The following PTPRZ1 variants were observed in gnomAD, a reference collection of about 807,000 sequenced individuals.
PTPRZ1 encodes receptor-type tyrosine-protein phosphatase zeta.
A neutral mutation model predicts 214.1 loss-of-function variants in PTPRZ1; 82 were observed. That is an observed-to-expected ratio of 0.38 (90% CI 0.32 to 0.46). The LOEUF is 0.46. Ranked by LOEUF, PTPRZ1 falls within the 20% of genes least tolerant of loss-of-function variation. The pLI is 1.00. For missense variants in PTPRZ1, 2,603 were observed against 2,748.7 expected (o/e 0.95, Z 1.19); for synonymous variants, 945 against 987.9 (o/e 0.96, Z 0.81).
At position 122,061,272 on chromosome 7, in the gene PTPRZ1, A is replaced by T. The variant is rs774757624; in HGVS notation, c.*52A>T. The T allele has an allele frequency of 2.1e-6, 3 of 1,441,172 alleles. No individual in the cohort carries two copies. The highest frequency in any genetic ancestry group is 2.8e-6 in the Non-Finnish European group (3 of 1,073,154). 89.3% of individuals were successfully genotyped at this position (1,441,172 alleles called of 1,614,324 possible). ...TCTGAGCATTGTTTTCCTCTTCCTA[A>T]AATTAGGCAGGAAAATCAGTCTAGT... On this transcript the variant is annotated 3_prime_UTR_variant, in exon 30 of 30. Coordinates refer to ENST00000393386, the MANE Select transcript of PTPRZ1 (RefSeq NM_002851.3).
chr7:121,916,860 T>C (rs1795443312), intron 1 of PTPRZ1, among the ~76,000 whole-genome samples: 1 of 152,186 alleles, frequency 6.6e-6, no homozygotes, highest in Admixed American at 6.5e-5. Flanking sequence ...CCTTAAGGCC[T>C]CACTTTGGGG....
intron 1 of PTPRZ1, among the ~76,000 whole-genome samples, chr7:121,899,960 G>A (rs1312536016): frequency 2.6e-5 from 4 of 152,132 alleles, no homozygotes; most frequent in Non-Finnish European, 4.4e-5. Context: ...AAAGCTATTG[G>A]AATGGACACA....
At chr7:122,009,883 T>C (rs1243335478) in intron 11 of PTPRZ1, among the ~76,000 whole-genome samples, 2 of 152,188 alleles carry the variant, frequency 1.3e-5, no homozygotes, top group Non-Finnish European at 2.9e-5. Context: ...ATAGATATAA[T>C]TAAATATTCT....
At chr7:121,974,522 C>T (rs1797369519) in intron 4 of PTPRZ1, among the ~76,000 whole-genome samples, 1 of 152,154 alleles carries the variant, frequency 6.6e-6, no homozygotes, top group Non-Finnish European at 1.5e-5. Context: ...GAGTCTCGCC[C>T]TGTCGCCCAG....
chr7:121,960,099 C>T (rs1253711033), intron 2 of PTPRZ1, among the ~76,000 whole-genome samples: 1 of 152,218 alleles, frequency 6.6e-6, no homozygotes, highest in African/African-American at 2.4e-5. Flanking sequence ...GGTACAGTGG[C>T]ATGCTCTCGG....
chr7:121,940,258 A>C (rs1796202185), intron 2 of PTPRZ1, among the ~76,000 whole-genome samples: 1 of 152,202 alleles, frequency 6.6e-6, no homozygotes. Context: ...ACTAGTTAGG[A>C]AACGAAAGGA....
chr7:121,944,215 TTAC>T (rs1377686585), intron 2 of PTPRZ1, among the ~76,000 whole-genome samples: 1 of 152,172 alleles, frequency 6.6e-6, no homozygotes, highest in Non-Finnish European at 1.5e-5. Flanking sequence ...TATCTTTACC[TTAC>T]ACTACTCTTG....
At chr7:121,904,018 G>A (rs905393166) in intron 1 of PTPRZ1, among the ~76,000 whole-genome samples, 4 of 143,808 alleles carry the variant, frequency 2.8e-5, no homozygotes, top group Non-Finnish European at 4.6e-5. Context: ...GTGTTTAGAC[G>A]ATAATAAAAT....
At chr7:121,964,782 T>C (rs1411301610) in intron 2 of PTPRZ1, among the ~76,000 whole-genome samples, 2 of 152,246 alleles carry the variant, frequency 1.3e-5, no homozygotes, top group Non-Finnish European at 2.9e-5. Flanking sequence ...GAGATTTGAT[T>C]GAAGTTAGAA....
chr7:122,029,825 G>A (rs1421724646), intron 14 of PTPRZ1, among the ~76,000 whole-genome samples: 1 of 151,606 alleles, frequency 6.6e-6, no homozygotes, highest in African/African-American at 2.4e-5. Flanking sequence ...CTTAGGAATT[G>A]TGTTTGCTAT....
At chr7:121,958,746 C>G (rs1563037418) in intron 2 of PTPRZ1, among the ~76,000 whole-genome samples, 1 of 152,138 alleles carries the variant, frequency 6.6e-6, no homozygotes, top group South Asian at 2.1e-4. Context: ...AGAAGTCATC[C>G]TTTGCCATTC....
At chr7:121,978,522 G>A (rs936712160) in intron 6 of PTPRZ1, among the ~76,000 whole-genome samples, 2 of 152,064 alleles carry the variant, frequency 1.3e-5, no homozygotes, top group Admixed American at 6.6e-5. Flanking sequence ...GAGAAACTGC[G>A]GAACACTTAT....
chr7:122,002,922 A>T (rs993876675), intron 10 of PTPRZ1, among the ~76,000 whole-genome samples: 3 of 152,228 alleles, frequency 2.0e-5, no homozygotes, highest in Admixed American at 2.0e-4. Context: ...ATTATTTTCA[A>T]TAAAACTAGG....
At chr7:121,983,327 G>A (rs886159393) in intron 6 of PTPRZ1, among the ~76,000 whole-genome samples, 1 of 152,064 alleles carries the variant, frequency 6.6e-6, no homozygotes, top group Admixed American at 6.6e-5. Flanking sequence ...CCAGAATAAG[G>A]TTGTGTTTTT....
chr7:122,032,685 A>G (rs745430253), intron 15 of PTPRZ1, among the ~76,000 whole-genome samples: 1 of 152,176 alleles, frequency 6.6e-6, no homozygotes, highest in South Asian at 2.1e-4. Context: ...GCAAAATGTT[A>G]TAGATTAGAA....
At chr7:121,905,263 G>A (rs888177312) in intron 1 of PTPRZ1, among the ~76,000 whole-genome samples, 2 of 152,038 alleles carry the variant, frequency 1.3e-5, no homozygotes, top group South Asian at 2.1e-4. Context: ...ATAGTAAAAG[G>A]TAGCACCTTT....
intron 1 of PTPRZ1, among the ~76,000 whole-genome samples, chr7:121,920,263 T>C (rs1234775802): frequency 2.0e-5 from 3 of 152,140 alleles, no homozygotes; most frequent in Non-Finnish European, 4.4e-5. Context: ...TGAAAGTACG[T>C]GGGCATAAGA....
At chr7:121,899,144 T>A (rs550828152) in intron 1 of PTPRZ1, among the ~76,000 whole-genome samples, 3 of 152,310 alleles carry the variant, frequency 2.0e-5, no homozygotes, top group Non-Finnish European at 4.4e-5. Context: ...TCAGTACTAA[T>A]GGATTTTTTT....
intron 1 of PTPRZ1, among the ~76,000 whole-genome samples, chr7:121,924,599 ACT>A (rs750550141): frequency 1.3e-5 from 2 of 152,086 alleles, no homozygotes. Flanking sequence ...TAGGGATAAA[ACT>A]CTACAAGGAA....
Sources: gnomAD v4.1 joint callset for allele counts (sites outside exome capture counted in the v4.1 genomes callset) on GRCh38, gnomAD v4.1.1 for gene constraint, MANE v1.5 for transcripts, NCBI Gene and HGNC (gene_info 2026-07-23, HGNC 2026-07-21) for gene names.